The following ODAD3 variants were observed in gnomAD, a reference collection of about 807,000 sequenced individuals.
ODAD3 encodes outer dynein arm docking complex subunit 3, also known as outer dynein arm-docking complex subunit 3.
In ODAD3, 57 loss-of-function variants were observed where a neutral mutation model predicts 70.9. The ratio of observed to expected loss-of-function variants is 0.80; its 90% CI spans 0.65 to 1.00. ODAD3 has a LOEUF of 1.00. Ranked by LOEUF, ODAD3 falls within the 50% of genes least tolerant of loss-of-function variation. ODAD3 has a pLI of 0.00. For synonymous variants in ODAD3, 327 were observed against 315.9 expected (o/e 1.04, Z -0.37); for missense variants, 797 against 763.9 (o/e 1.04, Z -0.51).
In ODAD3 at chr19:11,420,906, C is replaced by A; in HGVS notation, c.1717G>T (p.Ala573Ser). The change falls in exon 13 of 13, where the codon GCA (alanine) becomes TCA (serine). Residue 573 changes from alanine (A) to serine (S), a missense_variant. By Grantham distance (99) the Ala-to-Ser change is moderately conservative. Coordinates refer to ENST00000356392, the MANE Select transcript of ODAD3 (RefSeq NM_145045.5). Reference sequence around the variant, plus strand: ...TTCTGGGAACGGATCTTGAGTGATGCGCGGGTCACTACCTCGTTGTCCTCC... The same window carrying A: ...TTCTGGGAACGGATCTTGAGTGATGAGCGGGTCACTACCTCGTTGTCCTCC... ...EEEDNEVVTRASLKIRSQKLI... is the reference protein window; with the variant it reads ...EEEDNEVVTRSSLKIRSQKLI... 1.2e-6 allele frequency: 2 copies of A among 1,613,838 alleles called. No individual in the cohort carries two copies. The highest frequency in any genetic ancestry group is 1.1e-5 in the South Asian group (1 of 91,060).
At chr19:11,427,973 G>A (rs551636980) in intron 3 of ODAD3, among the ~76,000 whole-genome samples, 5 of 151,826 alleles carry the variant, frequency 3.3e-5, no homozygotes, top group South Asian at 2.1e-4. Flanking sequence ...GGTGGCAGGC[G>A]CCTGTAGTCC....
rs774527645 is a variant in ODAD3 at position 11,426,663 on chromosome 19, C to T, written c.714+20G>A. The T allele has an allele frequency of 5.6e-6, 9 of 1,613,472 alleles. No homozygotes were observed. Among genetic ancestry groups the T allele is most frequent in the African/African-American group, 5.3e-5 (4 of 74,856 alleles). Reference sequence around the variant, plus strand: ...CGCCCTCCCTGTTTGTCATCTCACCCGAGCCCTCCTAGTCCCTACCATTAG... The same window carrying T: ...CGCCCTCCCTGTTTGTCATCTCACCTGAGCCCTCCTAGTCCCTACCATTAG... On this transcript the variant is annotated intron_variant, in intron 5 of 12. Coordinates refer to ENST00000356392, the MANE Select transcript of ODAD3 (RefSeq NM_145045.5).
chr19:11,434,230 A>C (rs200003502), intron 1 of ODAD3, among the ~76,000 whole-genome samples: 2,912 of 140,154 alleles, frequency 0.021, 223 homozygotes, highest in African/African-American at 0.071. Context: ...AAAAAACAAA[A>C]CAAAAAAAAA....
chr19:11,429,199 TTTTG>T lies in ODAD3; in HGVS notation c.444+1496_444+1499del, dbSNP rs555923258. Among the ~76,000 whole-genome samples, 322 of 151,268 alleles carry T rather than the reference TTTTG, an allele frequency of 2.1e-3. 1 individual carries two copies. The highest frequency in any genetic ancestry group is 7.1e-3 in the African/African-American group (291 of 41,228). ...CGGCCTTTAATTTTTTATCTTTTGT[TTTTG>T]TTTGTTTGTTTGTTTTTGTTTTTTT... On this transcript the variant is annotated intron_variant, in intron 3 of 12. Transcript: ENST00000356392.
chr19:11,434,229 A>AC (rs200909722), intron 1 of ODAD3, among the ~76,000 whole-genome samples: 6 of 144,592 alleles, frequency 4.1e-5, no homozygotes, highest in East Asian at 4.1e-4. Flanking sequence ...CAAAAAACAA[A>AC]ACAAAAAAAA....
rs1399252158 is a variant in ODAD3 at position 11,422,809 on chromosome 19, G to A, written c.1169C>T (p.Thr390Met). 4 of 1,608,708 alleles carry A rather than the reference G, an allele frequency of 2.5e-6. No individual in the cohort carries two copies. In the South Asian group the frequency reaches 4.4e-5, roughly 18 times the overall value. Residue 390 changes from threonine to methionine, a missense_variant, in exon 9 of 13, where the codon ACG becomes ATG. By Grantham distance (81) the Thr-to-Met change is moderately conservative (BLOSUM62 -1). Coordinates refer to ENST00000356392, the MANE Select transcript of ODAD3 (RefSeq NM_145045.5). This position sits in a 1 kb window ranked among gnomAD's most constrained non-coding sequence, Gnocchi z 4.6. ...AQGDTFAQLE[T>M]LKSENEQTLV... is the part of the protein sequence containing the mutation. Reference sequence around the variant, plus strand: ...CGTCTGCTCGTTCTCGCTCTTGAGCGTCTCCAACTGCGCGAAGGTGTCGCC... The same window carrying A: ...CGTCTGCTCGTTCTCGCTCTTGAGCATCTCCAACTGCGCGAAGGTGTCGCC...
Position 11,435,086 on chromosome 19 carries a change from T to C in ODAD3, c.-70A>G. 1 of 1,523,016 alleles carries C rather than the reference T, an allele frequency of 6.6e-7. No individual in the cohort carries two copies. The highest frequency in any genetic ancestry group is 8.8e-7 in the Non-Finnish European group (1 of 1,140,908). 94.3% of individuals were successfully genotyped at this position (1,523,016 alleles called of 1,614,324 possible). A position where few individuals can be genotyped will look rare whatever the true frequency, so the allele number is the denominator to read the frequency against. Reference sequence around the variant, plus strand: ...AGGAGTCAGTCGCCCCTGTCAGGGATCCGTCAGCTCGGATTCCTAGGGCTC... The same window carrying C: ...AGGAGTCAGTCGCCCCTGTCAGGGACCCGTCAGCTCGGATTCCTAGGGCTC... On this transcript the variant is annotated 5_prime_UTR_variant, in exon 1 of 13. Transcript: ENST00000356392.
At chr19:11,425,556 T>C (rs1568350393) in intron 7 of ODAD3, among the ~76,000 whole-genome samples, 2 of 138,460 alleles carry the variant, frequency 1.4e-5, no homozygotes, top group East Asian at 2.0e-4. Flanking sequence ...TGTATATATG[T>C]ATATATGTGT....
chr19:11,422,030 A>G lies in ODAD3; in HGVS notation c.1435-198T>C, dbSNP rs541082132. Among the ~76,000 whole-genome samples the G allele has an allele frequency of 1.3e-5, 2 of 151,990 alleles. No individual in the cohort carries two copies. Among genetic ancestry groups the G allele is most frequent in the South Asian group, 2.1e-4 (1 of 4,820 alleles). ...GGGAGCCTCTGAACTCTAACTCTAT[A>G]TGTAAAGGTTTCGGGGAGGCCTCTT... On this transcript the variant is annotated intron_variant, in intron 10 of 12. Transcript: ENST00000356392. The surrounding 1 kb of genome is among the most constrained non-coding windows in gnomAD (Gnocchi z 4.6).
intron 12 of ODAD3, 63 bp from the exon 13 acceptor site, chr19:11,421,010 C>T (rs2144752104): frequency 6.3e-7 from 1 of 1,589,318 alleles, no homozygotes; most frequent in Non-Finnish European, 8.6e-7. Flanking sequence ...CCCTGGCTCC[C>T]CTTCCCTTTA....
intron 3 of ODAD3, among the ~76,000 whole-genome samples, chr19:11,428,182 T>A (rs560496740): frequency 6.6e-6 from 1 of 152,048 alleles, no homozygotes; most frequent in African/African-American, 2.4e-5. Context: ...GCCATCCTCC[T>A]TCCTCGGCCT....
intron 7 of ODAD3, 132 bp from the exon 8 acceptor site, chr19:11,424,161 C>A: frequency 8.4e-7 from 1 of 1,192,674 alleles, no homozygotes; most frequent in Non-Finnish European, 1.2e-6. Context: ...AGGGCAAAAG[C>A]TTGGGGCCAG....
rs573105294 is a variant in ODAD3, at chr19:11,426,671, C to G, written c.714+12G>C. On this transcript the variant is annotated intron_variant, in intron 5 of 12. Coordinates refer to ENST00000356392, the MANE Select transcript of ODAD3 (RefSeq NM_145045.5). ...CTGTTTGTCATCTCACCCGAGCCCT[C>G]CTAGTCCCTACCATTAGATAGGCCT... 3 of 1,613,840 alleles carry G rather than the reference C, an allele frequency of 1.9e-6. No homozygotes were observed. In the East Asian group the frequency reaches 6.7e-5, roughly 36 times the overall value.
chr19:11,432,928 G>C (rs1437595190), intron 1 of ODAD3, among the ~76,000 whole-genome samples: 2 of 152,012 alleles, frequency 1.3e-5, no homozygotes, highest in African/African-American at 4.8e-5. Flanking sequence ...CAAGTAGCTG[G>C]GATTACAGGC....
intron 7 of ODAD3, among the ~76,000 whole-genome samples, chr19:11,425,129 GTA>G (rs377272277): frequency 1.9e-4 from 23 of 122,848 alleles, no homozygotes; most frequent in Admixed American, 3.0e-4. Flanking sequence ...GTACATATGT[GTA>G]TATGTGTATA....
intron 7 of ODAD3, among the ~76,000 whole-genome samples, chr19:11,425,249 ATG>A (rs1416506093): frequency 1.8e-5 from 2 of 113,332 alleles, no homozygotes; most frequent in African/African-American, 1.2e-4. Context: ...ATGTGTATAT[ATG>A]TATATGTACA....
At chr19:11,432,828 C>G (rs1292407806) in intron 1 of ODAD3, among the ~76,000 whole-genome samples, 1 of 151,812 alleles carries the variant, frequency 6.6e-6, no homozygotes, top group Non-Finnish European at 1.5e-5. Context: ...GAATCTCACT[C>G]TGTCACCCAG....
At chr19:11,427,519 T>C (rs1969410424) in intron 3 of ODAD3, among the ~76,000 whole-genome samples, 1 of 147,092 alleles carries the variant, frequency 6.8e-6, no homozygotes, top group Non-Finnish European at 1.5e-5. Context: ...TCTCGCTCTG[T>C]CGCCCAGGCT....
At chr19:11,432,685 A>G (rs1022918846) in intron 1 of ODAD3, among the ~76,000 whole-genome samples, 1 of 152,230 alleles carries the variant, frequency 6.6e-6, no homozygotes, top group Non-Finnish European at 1.5e-5. Flanking sequence ...GCCATATATC[A>G]CGTGCCAATA....
Sources: allele counts gnomAD v4.1 joint callset (sites outside exome capture counted in the v4.1 genomes callset), GRCh38; gene constraint gnomAD v4.1.1; non-coding constraint Gnocchi (gnomAD v3.1); transcripts MANE v1.5; gene names NCBI Gene and HGNC (gene_info 2026-07-23, HGNC 2026-07-21).